BIRC6: variants seen among roughly 807,000 people sequenced by gnomAD.
BIRC6 encodes the protein baculoviral IAP repeat containing 6.
A neutral mutation model predicts 503.3 loss-of-function variants in BIRC6; 98 were observed. The observed-to-expected ratio is 0.19, with a 90% confidence interval of 0.17 to 0.23. The LOEUF (loss-of-function observed/expected upper bound fraction) is 0.23. Ranked by LOEUF, BIRC6 falls within the 10% of genes least tolerant of loss-of-function variation. The pLI, the probability that BIRC6 is intolerant of heterozygous loss-of-function variation, is 1.00. For synonymous variants in BIRC6, 2,240 were observed against 2,078.7 expected, an observed-to-expected ratio of 1.08 and a Z score of -2.11; for missense variants, 5,360 against 5,806.0, an observed-to-expected ratio of 0.92 and a Z score of 2.50.
chr2:32,610,683 C>T (rs1017949166), intron 72 of BIRC6, among the ~76,000 whole-genome samples: 1 of 152,146 alleles, frequency 6.6e-6, no homozygotes, highest in Admixed American at 6.6e-5. Context: ...GGTCTCTGGA[C>T]AGGATTAATT....
At chr2:32,499,479 T>C (rs2052890920) in intron 45 of BIRC6, 68 bp from the exon 46 acceptor site, 4 of 1,359,772 alleles carry the variant, frequency 2.9e-6, no homozygotes, top group African/African-American at 2.9e-5. Flanking sequence ...CGTTTAATTT[T>C]TAATCCTTTC....
intron 9 of BIRC6, among the ~76,000 whole-genome samples, chr2:32,409,150 G>GT (rs1038083567): frequency 4.9e-4 from 74 of 150,710 alleles, no homozygotes; most frequent in African/African-American, 1.0e-3. Context: ...TTTATTTTCT[G>GT]TTTTTTTTTG....
chr2:32,371,533 C>T (rs2149276553), intron 1 of BIRC6, among the ~76,000 whole-genome samples: 1 of 151,942 alleles, frequency 6.6e-6, no homozygotes, highest in African/African-American at 2.4e-5. Context: ...TGCCGCCATG[C>T]CCGGCTAATT....
intron 65 of BIRC6, among the ~76,000 whole-genome samples, chr2:32,561,059 G>A (rs1462258446): frequency 6.6e-6 from 1 of 151,628 alleles, no homozygotes; most frequent in East Asian, 2.0e-4. Flanking sequence ...TTAGCCGGGC[G>A]TGGTGGCACG....
intron 8 of BIRC6, among the ~76,000 whole-genome samples, chr2:32,405,475 C>T (rs1352405498): frequency 6.6e-6 from 1 of 152,152 alleles, no homozygotes; most frequent in Non-Finnish European, 1.5e-5. Context: ...TATCCTTAAG[C>T]ATTTTCAGTG....
chr2:32,525,456 T>G lies in BIRC6; in HGVS notation c.11756-8T>G. ...CTATGTAGAATCTTACTGATCCTTT[T>G]CTTTTAGGGCTGAAGTCTCAATCTA... On this transcript the variant is annotated splice_polypyrimidine_tract_variant and splice_region_variant and intron_variant, in intron 58 of 73. Transcript: ENST00000421745. The G allele has an allele frequency of 6.2e-7, 1 of 1,613,940 alleles. No homozygotes were observed. The highest frequency in any genetic ancestry group is 8.5e-7 in the Non-Finnish European group (1 of 1,179,832).
chr2:32,375,302 G>T (rs1312945446), intron 1 of BIRC6, among the ~76,000 whole-genome samples: 1 of 152,024 alleles, frequency 6.6e-6, no homozygotes, highest in Non-Finnish European at 1.5e-5. Flanking sequence ...AATAGGAATG[G>T]TAAGAGCATA....
chr2:32,601,475 G>T (rs1262723978), intron 70 of BIRC6, among the ~76,000 whole-genome samples: 1 of 152,196 alleles, frequency 6.6e-6, no homozygotes, highest in African/African-American at 2.4e-5. Flanking sequence ...CAGCTACTTG[G>T]GAGGCTGAGG....
intron 46 of BIRC6, among the ~76,000 whole-genome samples, chr2:32,501,439 GAT>G (rs2053182574): frequency 6.6e-6 from 1 of 152,178 alleles, no homozygotes; most frequent in Non-Finnish European, 1.5e-5. Context: ...TATTGTCATT[GAT>G]ATTTTAATCT....
At chr2:32,476,833 T>G (rs914531703) in intron 34 of BIRC6, among the ~76,000 whole-genome samples, 2 of 152,192 alleles carry the variant, frequency 1.3e-5, no homozygotes, top group Non-Finnish European at 2.9e-5. Context: ...GTAGTATGTC[T>G]TTTGTAAGTG....
At chr2:32,484,587 T>C (rs1241220939) in intron 39 of BIRC6, among the ~76,000 whole-genome samples, 1 of 151,868 alleles carries the variant, frequency 6.6e-6, no homozygotes, top group Non-Finnish European at 1.5e-5. Context: ...AAGAAAAAAT[T>C]ACTGTAATAG....
chr2:32,589,323 A>G (rs192049047), intron 66 of BIRC6, among the ~76,000 whole-genome samples: 2 of 152,166 alleles, frequency 1.3e-5, no homozygotes, highest in African/African-American at 4.8e-5. Context: ...AAAGTTGTTC[A>G]TCATAGTTTT....
intron 6 of BIRC6, among the ~76,000 whole-genome samples, chr2:32,400,651 A>G (rs1470998077): frequency 6.6e-6 from 1 of 152,100 alleles, no homozygotes. Flanking sequence ...TCAGATCTTT[A>G]CTAAAAAACT....
chr2:32,598,546 C>T (rs892306575), intron 69 of BIRC6, among the ~76,000 whole-genome samples: 1 of 152,060 alleles, frequency 6.6e-6, no homozygotes, highest in Non-Finnish European at 1.5e-5. Flanking sequence ...TTATGTTTAA[C>T]ACGTGATAAT....
chr2:32,393,099 G>A (rs552785494), intron 5 of BIRC6, among the ~76,000 whole-genome samples: 13 of 151,758 alleles, frequency 8.6e-5, no homozygotes, highest in African/African-American at 2.4e-4. Flanking sequence ...TTACAGTTTC[G>A]AAATTCTCAT....
At chr2:32,369,938 A>AT (rs2035558275) in intron 1 of BIRC6, among the ~76,000 whole-genome samples, 1 of 54,056 alleles carries the variant, frequency 1.8e-5, no homozygotes, top group African/African-American at 9.9e-5. Flanking sequence ...AAAAAAAAAA[A>AT]AAAAAAAATA....
chr2:32,510,632 C>T lies in BIRC6; in HGVS notation c.10344C>T (p.Asp3448=). The change falls in exon 53 of 74, where the codon GAC becomes GAT. Residue 3448 remains aspartate (D), a splice_region_variant and synonymous_variant. Transcript: ENST00000421745. ...LGTTQDPGTK[D]RIQALLKWVS... Reference sequence around the variant, plus strand: ...CAACTCAGGATCCTGGTACAAAAGACAGGTACGATTTTATTTTTCATTTAA... The same window carrying T: ...CAACTCAGGATCCTGGTACAAAAGATAGGTACGATTTTATTTTTCATTTAA... 6.4e-7 allele frequency: 1 copy of T among 1,563,268 alleles called. No individual in the cohort carries two copies. Among genetic ancestry groups the T allele is most frequent in the South Asian group, 1.1e-5 (1 of 89,836 alleles).
At chr2:32,474,568 T>G (rs1175507782) in intron 33 of BIRC6, among the ~76,000 whole-genome samples, 1 of 152,218 alleles carries the variant, frequency 6.6e-6, no homozygotes, top group South Asian at 2.1e-4. Context: ...TGGTTGTAAC[T>G]GTGATTTGTA....
Position 32,618,223 on chromosome 2 carries a change from A to ATTT in BIRC6, c.*321_*323dup, listed in dbSNP as rs370063105. ...AGAATGTTTACTGAATGTTTATTTT[A>ATTT]TTTTATTTTTTTTTTACTATAGAGT... is the stretch of plus-strand genomic sequence containing the variant. On this transcript the variant is annotated 3_prime_UTR_variant, in exon 74 of 74. Coordinates refer to ENST00000421745, the MANE Select transcript of BIRC6 (RefSeq NM_016252.4). The ATTT allele has an allele frequency of 6.3e-5, 9 of 143,860 alleles. No individual in the cohort carries two copies. Among genetic ancestry groups the ATTT allele is most frequent in the Non-Finnish European group, 1.3e-4 (9 of 69,184 alleles). The allele number at this position is 143,860 out of a possible 1,614,324, so 8.9% of individuals were successfully genotyped here. A position where few individuals can be genotyped will look rare whatever the true frequency, so the allele number is the denominator to read the frequency against.
Sources: gnomAD v4.1 joint callset for allele counts (sites outside exome capture counted in the v4.1 genomes callset) on GRCh38, gnomAD v4.1.1 for gene constraint, MANE v1.5 for transcripts, NCBI Gene and HGNC (gene_info 2026-07-23, HGNC 2026-07-21) for gene names.